Variants in RD3L observed in about 807,000 individuals in gnomAD.
RD3L encodes RD3 like.
In RD3L, 6 loss-of-function variants were observed where a neutral mutation model predicts 12.5. The observed-to-expected ratio is 0.48, with a 90% CI of 0.26 to 0.95. The LOEUF (loss-of-function observed/expected upper bound fraction) is 0.95, where lower values mean the gene tolerates loss of function less well. Ranked by LOEUF, RD3L falls within the 40% of genes least tolerant of loss-of-function variation. The probability of loss-of-function intolerance (pLI) is 0.14; values close to 1 mark genes in which losing one functional copy is unlikely to be tolerated. For missense variants in RD3L, 234 were observed against 228.6 expected (o/e 1.02, Z -0.15); for synonymous variants, 87 against 79.3 (o/e 1.10, Z -0.52).
In RD3L at chr14:103,941,448, T is replaced by TC; in HGVS notation, c.247dup (p.Glu83GlyfsTer27). 1 of 1,535,348 alleles carries TC rather than the reference T, an allele frequency of 6.5e-7. No individual in the cohort carries two copies. On this transcript the variant is annotated frameshift_variant, in exon 2 of 3. Transcript: ENST00000557640. LOFTEE classifies it high-confidence loss of function. ...AGGTTGAACTTGTGAGCAAAGAACT[T>TC]CAAGTTGTCTTTGTTCAGTCACTGG...
In RD3L at chr14:103,941,691, G is replaced by T; in HGVS notation, c.5C>A (p.Pro2Gln). Residue 2 changes from proline to glutamine, a missense_variant, in exon 2 of 3, where the codon CCA becomes CAA. Transcript: ENST00000557640. M[P>Q]LFGWMKWPKN... is the part of the protein sequence containing the mutation. ...GGGCCATTTCATCCAGCCAAAAAGT[G>T]GCATTTTTAGCCTATGGAAATATTT... 1 of 1,508,676 alleles carries T rather than the reference G, an allele frequency of 6.6e-7. No individual in the cohort carries two copies. The highest frequency in any genetic ancestry group is 8.8e-7 in the Non-Finnish European group (1 of 1,133,700). The allele number at this position is 1,508,676 out of a possible 1,614,324, so 93.5% of individuals were successfully genotyped here.
At chr14:103,941,727 A>AT (rs1273018625) in intron 1 of RD3L, 25 bp from the exon 2 acceptor site, 6 of 1,427,384 alleles carry the variant, frequency 4.2e-6, no homozygotes, top group Admixed American at 2.7e-5. Flanking sequence ...TCACTTGTTT[A>AT]TTTGCTCAAA....
chr14:103,941,314 A>G, intron 2 of RD3L, 83 bp downstream of exon 2: 1 of 1,087,330 alleles, frequency 9.2e-7, no homozygotes, highest in Non-Finnish European at 1.3e-6. Context: ...AATTTACATG[A>G]TAGAATACAG....
At position 103,940,645 on chromosome 14, in the gene RD3L, TG is replaced by T; in HGVS notation, c.*160del. 1.8e-6 allele frequency: 1 copy of T among 553,092 alleles called. No individual in the cohort carries two copies. The highest frequency in any genetic ancestry group is 3.2e-6 in the Non-Finnish European group (1 of 314,528). The allele number at this position is 553,092 out of a possible 1,614,324, so 34.3% of individuals were successfully genotyped here. On this transcript the variant is annotated 3_prime_UTR_variant, in exon 3 of 3. Coordinates refer to ENST00000557640, the MANE Select transcript of RD3L (RefSeq NM_001257268.2). ...CATACTATTCAATGAAAACATAGCA[TG>T]TTTAGAGTGGTTAAAAAAAGAACAC... is the stretch of plus-strand genomic sequence containing the variant.
At chr14:103,941,365 G>A in intron 2 of RD3L, 32 bp downstream of exon 2, 1 of 1,468,032 alleles carries the variant, frequency 6.8e-7, no homozygotes, top group Non-Finnish European at 9.1e-7. Context: ...CTTAGCAGTA[G>A]CAGGAATCAT....
intron 2 of RD3L, 86 bp from the exon 3 acceptor site, chr14:103,941,189 T>C: frequency 1.8e-6 from 2 of 1,116,628 alleles, no homozygotes; most frequent in South Asian, 1.6e-5. Context: ...GAATAATGTA[T>C]ACAAGTTACC....
rs2152119539 is a variant in RD3L at position 103,940,784 on chromosome 14, A to C, written c.*22T>G. On this transcript the variant is annotated 3_prime_UTR_variant, in exon 3 of 3. Transcript: ENST00000557640. ...TTAGGAGTTCTAAGGTGTTCATAAA[A>C]ACCCCTCTAGTTGTAAGTAACTTAA... The C allele has an allele frequency of 6.7e-7, 1 of 1,501,342 alleles. No homozygotes were observed. Among genetic ancestry groups the C allele is most frequent in the Middle Eastern group, 1.7e-4 (1 of 5,886 alleles). The allele number at this position is 1,501,342 out of a possible 1,614,324, so 93.0% of individuals were successfully genotyped here.
chr14:103,941,417 T>A lies in RD3L; in HGVS notation c.279A>T (p.Gln93His). 6.5e-7 allele frequency: 1 copy of A among 1,534,950 alleles called. No individual in the cohort carries two copies. The highest frequency in any genetic ancestry group is 1.2e-5 in the South Asian group (1 of 83,976). The change falls in exon 2 of 3, where the codon CAA (glutamine) becomes CAT (histidine). Residue 93 changes from glutamine to histidine, a missense_variant. Physicochemically the swap from Gln to His is conservative, Grantham distance 24. Transcript: ENST00000557640. ...EVLCSQVQPC[Q>H]TGTILSRFRE... ...TTTACCTGCTGAGAATAGTTCCAGT[T>A]TGGCAAGGTTGAACTTGTGAGCAAA...
rs776279179 is a variant in RD3L at position 103,940,846 on chromosome 14, T to C, written c.557A>G (p.His186Arg). The C allele has an allele frequency of 1.5e-5, 23 of 1,535,270 alleles. No individual in the cohort carries two copies. Among genetic ancestry groups the C allele is most frequent in the Non-Finnish European group, 5.2e-6 (6 of 1,146,656 alleles). Residue 186 changes from histidine (H) to arginine (R), a missense_variant, in exon 3 of 3, where the codon CAC (histidine) becomes CGC (arginine). By Grantham distance (29) the His-to-Arg change is conservative. Coordinates refer to ENST00000557640, the MANE Select transcript of RD3L (RefSeq NM_001257268.2). ...ATAATATGGTAGGTTCCATATTCTG[T>C]GTGAGAACACTGGGAACCTGTCCTT... ...NTKDRFPVFSHRIWNLPYYHP... is the reference protein window; with the variant it reads ...NTKDRFPVFSRRIWNLPYYHP...
At position 103,941,098 on chromosome 14, in the gene RD3L, C is replaced by T. The variant is rs1292331273; in HGVS notation, c.305G>A (p.Arg102Gln). 1.1e-5 allele frequency: 17 copies of T among 1,532,276 alleles called. No homozygotes were observed. Among genetic ancestry groups the T allele is most frequent in the South Asian group, 8.3e-5 (7 of 83,834 alleles). 94.9% of individuals were successfully genotyped at this position (1,532,276 alleles called of 1,614,324 possible). A position where few individuals can be genotyped will look rare whatever the true frequency, so the allele number is the denominator to read the frequency against. ...CQTGTILSRF[R>Q]EVLAENDVLP... ...TACATCATTTTCTGCCAAAACTTCT[C>T]GAAATCTAGAGGGGAAATGGTAATG... Residue 102 changes from arginine (R) to glutamine (Q), a missense_variant, in exon 3 of 3, where the codon CGA becomes CAA. By Grantham distance (43) the Arg-to-Gln change is conservative (BLOSUM62 1). Coordinates refer to ENST00000557640, the MANE Select transcript of RD3L (RefSeq NM_001257268.2).
rs1300223181 is a variant in RD3L, at chr14:103,940,522, A to G, written c.*284T>C. The G allele has an allele frequency of 1.1e-5, 3 of 276,710 alleles. No individual in the cohort carries two copies. Among genetic ancestry groups the G allele is most frequent in the Non-Finnish European group, 2.0e-5 (3 of 147,256 alleles). 17.1% of individuals were successfully genotyped at this position (276,710 alleles called of 1,614,324 possible). A position where few individuals can be genotyped will look rare whatever the true frequency, so the allele number is the denominator to read the frequency against. ...TTTTGTACAGAATTTGTCAGACTTC[A>G]TACTAAAGTTGCTTTAGTTCCTGTG... On this transcript the variant is annotated 3_prime_UTR_variant, in exon 3 of 3. Coordinates refer to ENST00000557640, the MANE Select transcript of RD3L (RefSeq NM_001257268.2).
Position 103,940,994 on chromosome 14 carries a change from C to G in RD3L, c.409G>C (p.Glu137Gln). The change falls in exon 3 of 3, where the codon GAG (glutamate) becomes CAG (glutamine). Residue 137 changes from glutamate to glutamine, a missense_variant. Physicochemically the swap from Glu to Gln is conservative, Grantham distance 29. Coordinates refer to ENST00000557640, the MANE Select transcript of RD3L (RefSeq NM_001257268.2). ...LSSSDRGSEQ[E>Q]DLEDSGSMDC... ...ATGCTCCCTGAGTCCTCCAGGTCCT[C>G]TTGCTCACTCCCTCTGTCAGAGCTG... 1 of 1,535,452 alleles carries G rather than the reference C, an allele frequency of 6.5e-7. No individual in the cohort carries two copies. The highest frequency in any genetic ancestry group is 2.4e-5 in the East Asian group (1 of 40,904).
At chr14:103,941,151 A>T (rs991212085) in intron 2 of RD3L, 48 bp from the exon 3 acceptor site, 10 of 1,376,544 alleles carry the variant, frequency 7.3e-6, no homozygotes, top group African/African-American at 5.8e-5. Flanking sequence ...ATTTTTTGTT[A>T]TATCTCTTTA....
At chr14:103,941,279 T>TACGGCGA in intron 2 of RD3L, 118 bp downstream of exon 2, 2 of 857,350 alleles carry the variant, frequency 2.3e-6, no homozygotes, top group South Asian at 2.3e-5. Context: ...AAACAATTGC[T>TACGGCGA]CACCAGACAT....
Position 103,941,744 on chromosome 14 carries a change from T to C in RD3L, c.-7-42A>G, listed in dbSNP as rs565182416. On this transcript the variant is annotated intron_variant, in intron 1 of 2. Coordinates refer to ENST00000557640, the MANE Select transcript of RD3L (RefSeq NM_001257268.2). ...ACTTGTTTATTTGCTCAAAATGTTA[T>C]GTTCTTCTGAGCAAATATTTGTTTC... is the stretch of plus-strand genomic sequence containing the variant. The C allele has an allele frequency of 2.9e-3, 3,842 of 1,338,278 alleles. 12 individuals are homozygous for C. Among genetic ancestry groups the C allele is most frequent in the Non-Finnish European group, 3.4e-3 (3,378 of 1,006,650 alleles). 82.9% of individuals were successfully genotyped at this position (1,338,278 alleles called of 1,614,324 possible).
At position 103,940,934 on chromosome 14, in the gene RD3L, T is replaced by C; in HGVS notation, c.469A>G (p.Ser157Gly). Reference protein sequence around the residue: ...CSAPSVIQGDSSKRADKDEIP... With the variant: ...CSAPSVIQGDGSKRADKDEIP... ...TCATCTTTGTCTGCCCTCTTGGAGC[T>C]GTCACCTTGGATCACAGAAGGAGCA... Residue 157 changes from serine to glycine, a missense_variant, in exon 3 of 3, where the codon AGC becomes GGC. Ser to Gly is a moderately conservative substitution (Grantham distance 56, BLOSUM62 0). Transcript: ENST00000557640. The C allele has an allele frequency of 6.5e-7, 1 of 1,535,476 alleles. No homozygotes were observed. Among genetic ancestry groups the C allele is most frequent in the African/African-American group, 1.4e-5 (1 of 73,172 alleles).
At chr14:103,941,781 T>C in intron 1 of RD3L, 79 bp from the exon 2 acceptor site, 1 of 1,151,692 alleles carries the variant, frequency 8.7e-7, no homozygotes, top group Non-Finnish European at 1.2e-6. Flanking sequence ...TTACAATAAA[T>C]TTGCCCGAAA....
rs1157691720 is a variant in RD3L at position 103,942,199 on chromosome 14, A to G, written c.-115T>C. On this transcript the variant is annotated 5_prime_UTR_variant, in exon 1 of 3. Coordinates refer to ENST00000557640, the MANE Select transcript of RD3L (RefSeq NM_001257268.2). ...TTGCTCTCCTAGGTGTGTCCTCTGTAGAAGGAATGCGCCACCTTATTTACC... is the reference window on the plus strand; with the variant it reads ...TTGCTCTCCTAGGTGTGTCCTCTGTGGAAGGAATGCGCCACCTTATTTACC... 6.5e-6 allele frequency: 1 copy of G among 153,536 alleles called. No homozygotes were observed. The highest frequency in any genetic ancestry group is 2.4e-5 in the African/African-American group (1 of 41,464). 9.5% of individuals were successfully genotyped at this position (153,536 alleles called of 1,614,324 possible).
intron 2 of RD3L, 102 bp downstream of exon 2, chr14:103,941,295 C>T (rs1292130175): frequency 2.0e-6 from 2 of 993,736 alleles, no homozygotes; most frequent in African/African-American, 1.6e-5. Flanking sequence ...GACATCTACA[C>T]AGTTAAAGAA....
Sources: allele counts gnomAD v4.1 joint callset, GRCh38; gene constraint gnomAD v4.1.1; transcripts MANE v1.5; gene names NCBI Gene and HGNC (gene_info 2026-07-23, HGNC 2026-07-21).